The following DNAH2 variants were observed in gnomAD, a reference collection of about 807,000 sequenced individuals.
DNAH2 encodes dynein axonemal heavy chain 2.
A neutral mutation model predicts 523.5 loss-of-function variants in DNAH2; 323 were observed. The ratio of observed to expected loss-of-function variants is 0.62; its 90% CI spans 0.56 to 0.68. DNAH2 has a LOEUF of 0.68. Among genes scored for constraint, DNAH2 ranks in the 30% least tolerant of loss-of-function variants. The pLI, the probability that DNAH2 is intolerant of heterozygous loss-of-function variation, is 0.00. For synonymous variants in DNAH2, 2,093 were observed against 2,177.4 expected (o/e 0.96, Z 1.08); for missense variants, 4,907 against 5,701.5 (o/e 0.86, Z 4.49).
rs1175180591 is a variant in DNAH2, at chr17:7,816,740, G to A, written c.9894+5G>A. On this transcript the variant is annotated splice_donor_5th_base_variant and intron_variant, in intron 64 of 85. Transcript: ENST00000572933. Reference sequence around the variant, plus strand: ...AGATGGGAGGAGACAGTCCAGGTGAGATCAGCTGTACTACCTGGTGTCCTT... The same window carrying A: ...AGATGGGAGGAGACAGTCCAGGTGAAATCAGCTGTACTACCTGGTGTCCTT... The A allele has an allele frequency of 6.2e-7, 1 of 1,612,994 alleles. No homozygotes were observed. Among genetic ancestry groups the A allele is most frequent in the African/African-American group, 1.3e-5 (1 of 75,004 alleles).
At chr17:7,784,551 A>T (rs955209861) in intron 39 of DNAH2, among the ~76,000 whole-genome samples, 3 of 152,226 alleles carry the variant, frequency 2.0e-5, no homozygotes, top group African/African-American at 7.2e-5. Flanking sequence ...TCAACTCAAT[A>T]AAATAAAATA....
intron 75 of DNAH2, 43 bp downstream of exon 75, chr17:7,824,025 T>C: frequency 6.3e-7 from 1 of 1,599,038 alleles, no homozygotes; most frequent in Non-Finnish European, 8.5e-7. Flanking sequence ...CATGGGTCTT[T>C]CCTGCCTCCC....
chr17:7,756,170 G>A (rs181277622), intron 12 of DNAH2, among the ~76,000 whole-genome samples: 2 of 151,982 alleles, frequency 1.3e-5, no homozygotes, highest in African/African-American at 2.4e-5. Flanking sequence ...AACCCAGGAC[G>A]TAGAGGTGGC....
chr17:7,813,306 G>T (rs2077571499), intron 63 of DNAH2, among the ~76,000 whole-genome samples: 1 of 151,534 alleles, frequency 6.6e-6, no homozygotes, highest in Non-Finnish European at 1.5e-5. Context: ...TGCTGCTACG[G>T]TCTCAAACTT....
intron 48 of DNAH2, among the ~76,000 whole-genome samples, chr17:7,794,002 A>G (rs1269886665): frequency 6.6e-6 from 1 of 152,208 alleles, no homozygotes; most frequent in Admixed American, 6.5e-5. Context: ...ATTTGGGTAC[A>G]TGGATTATAA....
intron 22 of DNAH2, among the ~76,000 whole-genome samples, chr17:7,766,998 A>G (rs899192202): frequency 2.6e-5 from 4 of 152,012 alleles, no homozygotes; most frequent in African/African-American, 9.7e-5. Context: ...AGTAATTCAT[A>G]CCACATCTAT....
chr17:7,805,667 AT>A, intron 61 of DNAH2, among the ~76,000 whole-genome samples: 1 of 152,122 alleles, frequency 6.6e-6, no homozygotes, highest in African/African-American at 2.4e-5. Context: ...CCTGGGCAAC[AT>A]GACGAAAACC....
In DNAH2 at chr17:7,807,180, A is replaced by C. The variant is rs1315373002; in HGVS notation, c.9473A>C (p.Asn3158Thr). 6.2e-7 allele frequency: 1 copy of C among 1,610,368 alleles called. No homozygotes were observed. The highest frequency in any genetic ancestry group is 8.5e-7 in the Non-Finnish European group (1 of 1,180,012). Residue 3158 changes from asparagine to threonine, a missense_variant, in exon 62 of 86, where the codon AAC becomes ACC. By Grantham distance (65) the Asn-to-Thr change is moderately conservative. This residue lies in a region of DNAH2 where 1,851 missense variants were observed against 2,139.4 expected (regional missense o/e 0.87). Transcript: ENST00000572933. This position sits in a 1 kb window ranked among gnomAD's most constrained non-coding sequence, Gnocchi z 5.6. ...CAGAACTTCATCAAGTCACTGATCAACTTTGATAAAGACAATATCTCAGAT... is the reference window on the plus strand; with the variant it reads ...CAGAACTTCATCAAGTCACTGATCACCTTTGATAAAGACAATATCTCAGAT... Reference protein sequence around the residue: ...GEQNFIKSLINFDKDNISDKV... With the variant: ...GEQNFIKSLITFDKDNISDKV...
chr17:7,759,679 A>T, intron 16 of DNAH2, 69 bp downstream of exon 16: 2 of 1,599,534 alleles, frequency 1.3e-6, no homozygotes, highest in South Asian at 2.3e-5. Flanking sequence ...CTTAATTCCT[A>T]AACTTGGTCC....
chr17:7,775,294 C>G lies in DNAH2; in HGVS notation c.4773C>G (p.Gly1591=). 6.2e-7 allele frequency: 1 copy of G among 1,613,438 alleles called. No homozygotes were observed. Among genetic ancestry groups the G allele is most frequent in the Middle Eastern group, 1.7e-4 (1 of 6,036 alleles). ...CTGTGGGGATGTTCTCGGGCGACGG[C>G]GAGTACATTGACTTCCTCCACTCAG... ...WEAVGMFSGD[G]EYIDFLHSVF... Residue 1591 remains glycine (G), a synonymous_variant, in exon 30 of 86, where the codon GGC becomes GGG. Coordinates refer to ENST00000572933, the MANE Select transcript of DNAH2 (RefSeq NM_020877.5).
rs765696484 is a variant in DNAH2, at chr17:7,740,947, G to A, written c.1644G>A (p.Ala548=). The change falls in exon 11 of 86, where the codon GCG becomes GCA. Residue 548 remains alanine, a synonymous_variant. Coordinates refer to ENST00000572933, the MANE Select transcript of DNAH2 (RefSeq NM_020877.5). The part of the protein sequence containing the change: ...EPYVAQYSGK[A]RWVHILRRRI... ...ACGTGGCCCAGTATTCCGGAAAGGCGCGCTGGGTGCACATCCTCCGGCGTC... is the reference window on the plus strand; with the variant it reads ...ACGTGGCCCAGTATTCCGGAAAGGCACGCTGGGTGCACATCCTCCGGCGTC... 4.3e-6 allele frequency: 7 copies of A among 1,611,806 alleles called. No homozygotes were observed. The East Asian group carries it at 1.1e-4, about 26-fold the overall frequency.
At chr17:7,747,181 A>ATGT (rs1328139249) in intron 12 of DNAH2, among the ~76,000 whole-genome samples, 1 of 151,710 alleles carries the variant, frequency 6.6e-6, no homozygotes, top group Non-Finnish European at 1.5e-5. Flanking sequence ...GGGTCTTGCT[A>ATGT]TGTTGCCCAG....
chr17:7,720,035 CATG>C, intron 2 of DNAH2, 135 bp downstream of exon 2: 2 of 1,087,326 alleles, frequency 1.8e-6, no homozygotes, highest in Non-Finnish European at 2.5e-6. Flanking sequence ...CGCCCCCAGC[CATG>C]GAGGTTCAGC....
intron 36 of DNAH2, 103 bp downstream of exon 36, chr17:7,779,526 T>A: frequency 7.9e-7 from 1 of 1,265,074 alleles, no homozygotes; most frequent in Non-Finnish European, 1.1e-6. Context: ...CGAATGTATA[T>A]AGCTAAGTGA....
At chr17:7,751,417 A>T (rs969788957) in intron 12 of DNAH2, among the ~76,000 whole-genome samples, 7 of 152,102 alleles carry the variant, frequency 4.6e-5, no homozygotes, top group Non-Finnish European at 8.8e-5. Context: ...ATTTTATTTT[A>T]AAAAATATTC....
rs1275316370 is a variant in DNAH2, at chr17:7,817,942, C to G, written c.10237-4C>G. ...GTTCCTTCACCTTCCCCCTTGCTCTCTAGGGCCTGAAGATCATCGACCTGC... is the reference window on the plus strand; with the variant it reads ...GTTCCTTCACCTTCCCCCTTGCTCTGTAGGGCCTGAAGATCATCGACCTGC... On this transcript the variant is annotated splice_polypyrimidine_tract_variant and splice_region_variant and intron_variant, in intron 67 of 85. Coordinates refer to ENST00000572933, the MANE Select transcript of DNAH2 (RefSeq NM_020877.5). 1 of 1,614,118 alleles carries G rather than the reference C, an allele frequency of 6.2e-7. No individual in the cohort carries two copies. Among genetic ancestry groups the G allele is most frequent in the Non-Finnish European group, 8.5e-7 (1 of 1,180,016 alleles).
chr17:7,809,035 T>G (rs974537149), intron 63 of DNAH2, among the ~76,000 whole-genome samples: 8 of 152,228 alleles, frequency 5.3e-5, no homozygotes, highest in Admixed American at 5.2e-4. Flanking sequence ...CCATCATTTA[T>G]TTAACTGTTC....
At chr17:7,723,267 G>GTTT (rs1171013076) in intron 2 of DNAH2, among the ~76,000 whole-genome samples, 6 of 77,156 alleles carry the variant, frequency 7.8e-5, no homozygotes, top group East Asian at 3.3e-4. Context: ...ACTGTACCCG[G>GTTT]CTTTTTTTTT....
intron 57 of DNAH2, 80 bp downstream of exon 57, chr17:7,801,790 C>G: frequency 6.2e-7 from 1 of 1,609,190 alleles, no homozygotes; most frequent in Non-Finnish European, 8.5e-7. Flanking sequence ...CACCCCCGGC[C>G]TCTCTCCTTC....
Sources: gnomAD v4.1 joint callset for allele counts (sites outside exome capture counted in the v4.1 genomes callset) on GRCh38, gnomAD v4.1.1 for gene constraint, gnomAD v4.1.1 regional missense constraint, Gnocchi (gnomAD v3.1) non-coding constraint, MANE v1.5 for transcripts, NCBI Gene and HGNC (gene_info 2026-07-23, HGNC 2026-07-21) for gene names.